TRMT11: variants seen among roughly 807,000 people sequenced by gnomAD.
TRMT11 encodes the protein tRNA methyltransferase 11, also known as tRNA (guanine(10)-N(2))-methyltransferase TRMT11.
A neutral mutation model predicts 62.8 loss-of-function variants in TRMT11; 53 were observed. That is an observed-to-expected ratio of 0.84 (90% CI 0.68 to 1.06). TRMT11 has a LOEUF of 1.06. TRMT11 is among the 50% of genes least tolerant of loss of function. The pLI is 0.00. For synonymous variants in TRMT11, 188 were observed against 190.3 expected, an observed-to-expected ratio of 0.99 and a Z score of 0.10; for missense variants, 556 against 553.4, an observed-to-expected ratio of 1.00 and a Z score of -0.05.
chr6:126,170,276 CA>C (rs1562339661), intron 21 of TRMT11, among the ~76,000 whole-genome samples: 1 of 152,174 alleles, frequency 6.6e-6, no homozygotes, highest in East Asian at 1.9e-4. Flanking sequence ...GCTTCAAAAC[CA>C]AAAAACCCGA....
intron 12 of TRMT11, among the ~76,000 whole-genome samples, chr6:126,027,106 G>A (rs1178117651): frequency 1.3e-5 from 2 of 152,024 alleles, no homozygotes; most frequent in Non-Finnish European, 2.9e-5. Flanking sequence ...GCGCCCGGCC[G>A]TTTGTTTTAC....
At chr6:126,059,316 G>A (rs1776464010) in intron 17 of TRMT11, among the ~76,000 whole-genome samples, 1 of 152,130 alleles carries the variant, frequency 6.6e-6, no homozygotes, top group Non-Finnish European at 1.5e-5. Context: ...TCTGGACCCT[G>A]AAAGATCCCA....
intron 2 of TRMT11, 133 bp from the exon 3 acceptor site, chr6:125,995,834 T>G: frequency 1.6e-6 from 1 of 631,378 alleles, no homozygotes; most frequent in Non-Finnish European, 2.8e-6. Context: ...GATTTTTATT[T>G]TGGTTACAGT....
rs533738516 is a variant in TRMT11 at position 126,148,720 on chromosome 6, C to T, written c.*1824-26105C>T. On this transcript the variant is annotated intron_variant and NMD_transcript_variant, in intron 21 of 22. Transcript: ENST00000648977. ...AAAAACTAAAAGAGAGTCATTTAGT[C>T]GAGTGATTAATATAACCACTAGATT... 4.0e-5 allele frequency among the ~76,000 whole-genome samples: 6 copies of T among 151,848 alleles called. No individual in the cohort carries two copies. The South Asian group carries it at 1.0e-3, about 26-fold the overall frequency.
chr6:126,058,318 G>A (rs1776429624), intron 17 of TRMT11, among the ~76,000 whole-genome samples: 1 of 152,148 alleles, frequency 6.6e-6, no homozygotes, highest in South Asian at 2.1e-4. Flanking sequence ...GTATTCCATG[G>A]TGTATATGCG....
At chr6:126,226,341 G>T in the TRMT11 span, among the ~76,000 whole-genome samples, 1 of 151,934 alleles carries the variant, frequency 6.6e-6, no homozygotes, top group Non-Finnish European at 1.5e-5. Flanking sequence ...AAAAATTCAG[G>T]CAAGAAGCTG....
At chr6:126,194,908 A>G (rs906284301) in intron 1 of TRMT11, among the ~76,000 whole-genome samples, 9 of 152,142 alleles carry the variant, frequency 5.9e-5, no homozygotes, top group Non-Finnish European at 1.0e-4. Context: ...TGAGCCCAAG[A>G]GTTTGAGATC....
At chr6:126,186,928 T>C (rs1042147544) in intron 1 of TRMT11, among the ~76,000 whole-genome samples, 4 of 152,086 alleles carry the variant, frequency 2.6e-5, no homozygotes, top group African/African-American at 7.2e-5. Flanking sequence ...TCAATGCCTA[T>C]TAATGATAAA....
the TRMT11 span, among the ~76,000 whole-genome samples, chr6:126,255,404 A>T: frequency 6.6e-6 from 1 of 152,124 alleles, no homozygotes; most frequent in Non-Finnish European, 1.5e-5. Context: ...AATATTGTTA[A>T]ATTGCCACAT....
chr6:126,030,516 C>T (rs1038346299), intron 12 of TRMT11, among the ~76,000 whole-genome samples: 1 of 152,154 alleles, frequency 6.6e-6, no homozygotes, highest in Non-Finnish European at 1.5e-5. Flanking sequence ...TTTTTCCCCA[C>T]AAAATTGGAT....
chr6:126,050,396 C>A (rs1776181650), intron 16 of TRMT11, among the ~76,000 whole-genome samples: 2 of 150,518 alleles, frequency 1.3e-5, no homozygotes, highest in East Asian at 3.9e-4. Flanking sequence ...AGAATAGGGA[C>A]TGATTTCAGA....
intron 3 of TRMT11, 71 bp downstream of exon 3, chr6:125,996,111 C>A: frequency 9.3e-7 from 1 of 1,078,902 alleles, no homozygotes; most frequent in Non-Finnish European, 1.4e-6. Flanking sequence ...CTGTTTTTTG[C>A]TATATTGGGC....
At chr6:126,236,411 A>G in the TRMT11 span, among the ~76,000 whole-genome samples, 7 of 152,172 alleles carry the variant, frequency 4.6e-5, no homozygotes, top group Non-Finnish European at 8.8e-5. Flanking sequence ...TGAAGTAAGA[A>G]ATCATCTTGT....
At chr6:126,128,349 T>C (rs1360787308) in intron 21 of TRMT11, among the ~76,000 whole-genome samples, 2 of 152,126 alleles carry the variant, frequency 1.3e-5, no homozygotes, top group Non-Finnish European at 2.9e-5. Flanking sequence ...ATTCCTCTTA[T>C]ATCATCACTT....
chr6:125,991,722 T>C (rs1343736812), intron 1 of TRMT11, among the ~76,000 whole-genome samples: 1 of 152,234 alleles, frequency 6.6e-6, no homozygotes, highest in Admixed American at 6.5e-5. Flanking sequence ...GAAGCTATAA[T>C]GAATGGCTGC....
downstream of TRMT11, among the ~76,000 whole-genome samples, chr6:126,203,911 T>A (rs1226481544): frequency 6.7e-6 from 1 of 149,950 alleles, no homozygotes; most frequent in Non-Finnish European, 1.5e-5. Flanking sequence ...GGAGGTGGGA[T>A]CATCATTTTG....
At chr6:126,064,400 A>G (rs760572961) in intron 17 of TRMT11, among the ~76,000 whole-genome samples, 1 of 152,166 alleles carries the variant, frequency 6.6e-6, no homozygotes, top group Non-Finnish European at 1.5e-5. Flanking sequence ...CAGGATTCAA[A>G]TAAATGTAAT....
intron 7 of TRMT11, among the ~76,000 whole-genome samples, chr6:126,001,522 A>G (rs1314233067): frequency 6.6e-6 from 1 of 151,806 alleles, no homozygotes; most frequent in Non-Finnish European, 1.5e-5. Context: ...CTGCATTGGT[A>G]TTGGTAATTT....
chr6:126,139,627 C>T (rs1363997777), intron 21 of TRMT11, among the ~76,000 whole-genome samples: 2 of 152,064 alleles, frequency 1.3e-5, no homozygotes, highest in African/African-American at 4.8e-5. Context: ...CCTCACTCTC[C>T]CAAAGTGCTG....
Sources: gnomAD v4.1 joint callset for allele counts (sites outside exome capture counted in the v4.1 genomes callset) on GRCh38, gnomAD v4.1.1 for gene constraint, MANE v1.5 for transcripts, NCBI Gene and HGNC (gene_info 2026-07-23, HGNC 2026-07-21) for gene names.